The following KCTD10 variants were observed in gnomAD, a reference collection of about 807,000 sequenced individuals.
The protein encoded by KCTD10 is BTB/POZ domain-containing adapter for CUL3-mediated RhoA degradation protein 3.
In KCTD10, 13 loss-of-function variants were observed where a neutral mutation model predicts 34.6. The ratio of observed to expected loss-of-function variants is 0.38; its 90% CI spans 0.24 to 0.60. The LOEUF is 0.60. Ranked by LOEUF, KCTD10 falls within the 20% of genes least tolerant of loss-of-function variation. The pLI is 0.66. For missense variants in KCTD10, 256 were observed against 420.3 expected (o/e 0.61, Z 3.42); for synonymous variants, 156 against 168.8 (o/e 0.92, Z 0.59).
rs754885613 is a variant in KCTD10 at position 109,469,524 on chromosome 12, C to T, written c.208G>A (p.Asp70Asn). ...MFSGRMEVLT[D>N]SEGWILIDRC... ...TGGTGGGTGAGCTTACCTTCACTGT[C>T]GGTGAGCACTTCCATGCGCCCGCTG... The change falls in exon 2 of 7, where the codon GAC (aspartate) becomes AAC (asparagine). Residue 70 changes from aspartate (D) to asparagine (N), a missense_variant. By Grantham distance (23) the Asp-to-Asn change is conservative. Around this residue, in one of 3 missense-constraint regions of KCTD10, gnomAD observed 155 missense variants for 207.0 expected, o/e 0.75. Coordinates refer to ENST00000228495, the MANE Select transcript of KCTD10 (RefSeq NM_031954.5). 5.6e-6 allele frequency: 9 copies of T among 1,614,016 alleles called. No homozygotes were observed. The highest frequency in any genetic ancestry group is 1.7e-5 in the Admixed American group (1 of 60,026).
At chr12:109,472,434 T>A (rs1199814090) in intron 1 of KCTD10, among the ~76,000 whole-genome samples, 1 of 152,082 alleles carries the variant, frequency 6.6e-6, no homozygotes, top group Non-Finnish European at 1.5e-5. Flanking sequence ...CGCATGGAAC[T>A]GTCATCTCCC....
intron 2 of KCTD10, among the ~76,000 whole-genome samples, chr12:109,468,722 A>G (rs1056472750): frequency 6.3e-5 from 9 of 141,794 alleles, no homozygotes; most frequent in Non-Finnish European, 1.1e-4. Context: ...GCGCGATCTC[A>G]GCTCACTGCA....
At chr12:109,468,570 G>T (rs1474540731) in intron 2 of KCTD10, among the ~76,000 whole-genome samples, 2 of 152,080 alleles carry the variant, frequency 1.3e-5, no homozygotes, top group African/African-American at 2.4e-5. Context: ...AGGTAAGGAT[G>T]GAGCCCTGTT....
intron 2 of KCTD10, among the ~76,000 whole-genome samples, chr12:109,463,074 A>G (rs1298200963): frequency 6.6e-6 from 1 of 152,192 alleles, no homozygotes; most frequent in Non-Finnish European, 1.5e-5. Flanking sequence ...GGACTAGACC[A>G]CAAAGAAAAA....
At chr12:109,475,951 G>A (rs1232039592) in intron 1 of KCTD10, among the ~76,000 whole-genome samples, 1 of 152,180 alleles carries the variant, frequency 6.6e-6, no homozygotes, top group Non-Finnish European at 1.5e-5. Context: ...TTCTCTCAAT[G>A]TTCTAGTGAG....
intron 2 of KCTD10, among the ~76,000 whole-genome samples, chr12:109,467,838 C>T (rs1480965087): frequency 2.0e-5 from 3 of 151,944 alleles, no homozygotes; most frequent in African/African-American, 7.3e-5. Flanking sequence ...CAGTACCACT[C>T]GTATGCTCTG....
At chr12:109,454,042 A>T (rs1414197719) in intron 6 of KCTD10, among the ~76,000 whole-genome samples, 1 of 152,248 alleles carries the variant, frequency 6.6e-6, no homozygotes, top group African/African-American at 2.4e-5. Context: ...ATTGCCTGCT[A>T]AAACAAAAAC....
At chr12:109,474,889 T>TC (rs1346629998) in intron 1 of KCTD10, among the ~76,000 whole-genome samples, 1 of 152,192 alleles carries the variant, frequency 6.6e-6, no homozygotes. Context: ...TGCTTCTCTG[T>TC]AGAAGTCTTG....
chr12:109,471,407 T>C (rs747003080), intron 1 of KCTD10: 4 of 985,266 alleles, frequency 4.1e-6, no homozygotes, highest in Non-Finnish European at 4.8e-6. Flanking sequence ...AAGAACGGCC[T>C]CCTGGAAAGA....
intron 2 of KCTD10, chr12:109,464,733 C>A: frequency 2.3e-6 from 1 of 428,006 alleles, no homozygotes; most frequent in Non-Finnish European, 4.7e-6. Context: ...GCTCAACGTA[C>A]CAGACATTAG....
At chr12:109,477,163 A>G in intron 1 of KCTD10, 97 bp downstream of exon 1, 2 of 1,396,028 alleles carry the variant, frequency 1.4e-6, no homozygotes, top group South Asian at 2.6e-5. Context: ...ACTGCCCCTC[A>G]TCACACCCCC....
chr12:109,454,081 G>A (rs1183357451), intron 6 of KCTD10, among the ~76,000 whole-genome samples: 1 of 150,630 alleles, frequency 6.6e-6, no homozygotes, highest in African/African-American at 2.5e-5. Flanking sequence ...ATTTAAACAA[G>A]GCCTGGAGTC....
chr12:109,468,653 CTTTT>C (rs34623703), intron 2 of KCTD10, among the ~76,000 whole-genome samples: 1 of 132,450 alleles, frequency 7.6e-6, no homozygotes, highest in Non-Finnish European at 1.6e-5. Flanking sequence ...AATTCTTTGC[CTTTT>C]TTTTTTTTTT....
intron 1 of KCTD10, among the ~76,000 whole-genome samples, chr12:109,472,649 C>G (rs1454133826): frequency 6.6e-6 from 1 of 152,186 alleles, no homozygotes; most frequent in Non-Finnish European, 1.5e-5. Context: ...TAGACTTATA[C>G]AACTGGCAGC....
chr12:109,470,865 C>T (rs1873850016), intron 1 of KCTD10: 1 of 166,442 alleles, frequency 6.0e-6, no homozygotes, highest in Non-Finnish European at 1.2e-5. Flanking sequence ...TTCCTGCTTT[C>T]AAGTCAGGAA....
At chr12:109,468,547 C>T (rs975776791) in intron 2 of KCTD10, among the ~76,000 whole-genome samples, 21 of 152,124 alleles carry the variant, frequency 1.4e-4, no homozygotes, top group African/African-American at 4.3e-4. Context: ...GTGACCTGCA[C>T]GCAAACCCAG....
At chr12:109,453,383 G>A (rs555209869) in intron 6 of KCTD10, among the ~76,000 whole-genome samples, 2 of 151,968 alleles carry the variant, frequency 1.3e-5, no homozygotes, top group African/African-American at 4.8e-5. Flanking sequence ...GGTAGAGACA[G>A]GGGTGTTGCT....
intron 1 of KCTD10, among the ~76,000 whole-genome samples, chr12:109,473,191 C>A (rs774031263): frequency 2.0e-5 from 3 of 152,194 alleles, no homozygotes; most frequent in Non-Finnish European, 4.4e-5. Flanking sequence ...GCCCAGAGAC[C>A]ATCACACCTA....
At chr12:109,461,785 A>G (rs773966228) in intron 2 of KCTD10, among the ~76,000 whole-genome samples, 48 of 152,188 alleles carry the variant, frequency 3.2e-4, no homozygotes, top group Non-Finnish European at 6.0e-4. Context: ...GAGAGGGTGA[A>G]GTCGAGGCCT....
Sources: allele counts gnomAD v4.1 joint callset (sites outside exome capture counted in the v4.1 genomes callset), GRCh38; gene constraint gnomAD v4.1.1; regional missense constraint gnomAD v4.1.1; transcripts MANE v1.5; gene names NCBI Gene and HGNC (gene_info 2026-07-23, HGNC 2026-07-21).